The following MTUS1 variants were observed in gnomAD, a reference collection of about 807,000 sequenced individuals.
MTUS1 encodes microtubule-associated tumor suppressor 1.
In MTUS1, 109 loss-of-function variants were observed where a neutral mutation model predicts 120.8. That is an observed-to-expected ratio of 0.90 (90% CI 0.77 to 1.06). The LOEUF is 1.06. Ranked by LOEUF, MTUS1 falls within the 50% of genes least tolerant of loss-of-function variation. The pLI, the probability that MTUS1 is intolerant of heterozygous loss-of-function variation, is 0.00. For missense variants in MTUS1, 2,210 were observed against 1,486.3 expected (o/e 1.49, Z -8.01); for synonymous variants, 737 against 550.5 (o/e 1.34, Z -4.74).
At chr8:17,719,668 G>A (rs772404158) in intron 4 of MTUS1, among the ~76,000 whole-genome samples, 1 of 152,088 alleles carries the variant, frequency 6.6e-6, no homozygotes, top group Non-Finnish European at 1.5e-5. Flanking sequence ...TGAACCTGGA[G>A]GCACCCTGAG....
intron 1 of MTUS1, among the ~76,000 whole-genome samples, chr8:17,790,109 G>A (rs2051646375): frequency 1.3e-5 from 2 of 152,148 alleles, no homozygotes; most frequent in Non-Finnish European, 2.9e-5. Flanking sequence ...AGCACTTTGG[G>A]AGGTTGAGGC....
intron 6 of MTUS1, chr8:17,704,278 G>T (rs1423649770): frequency 6.6e-5 from 10 of 152,156 alleles, no homozygotes; most frequent in Non-Finnish European, 1.3e-4. Flanking sequence ...TTGCTCTGCA[G>T]ATTTTTAATC....
At chr8:17,741,546 C>T (rs896793880) in intron 3 of MTUS1, among the ~76,000 whole-genome samples, 1 of 152,152 alleles carries the variant, frequency 6.6e-6, no homozygotes, top group Non-Finnish European at 1.5e-5. Flanking sequence ...AAAAGCATGC[C>T]CTGTCTTTTC....
intron 8 of MTUS1, among the ~76,000 whole-genome samples, chr8:17,665,182 T>A (rs1193174279): frequency 6.6e-6 from 1 of 152,222 alleles, no homozygotes; most frequent in Non-Finnish European, 1.5e-5. Context: ...AGACAAGTGG[T>A]AGACCAGGTT....
chr8:17,684,678 G>A (rs1453407553), intron 6 of MTUS1, 136 bp from the exon 7 acceptor site: 5 of 692,574 alleles, frequency 7.2e-6, no homozygotes, highest in Non-Finnish European at 1.3e-5. Context: ...GCATATGGAT[G>A]AGAACTGGAA....
intron 6 of MTUS1, chr8:17,697,506 A>T: frequency 7.1e-7 from 1 of 1,412,168 alleles, no homozygotes; most frequent in Non-Finnish European, 9.3e-7. Context: ...TACACAGCAA[A>T]TGTCATTCCA....
At chr8:17,718,544 G>A (rs1157207256) in intron 4 of MTUS1, among the ~76,000 whole-genome samples, 1 of 152,050 alleles carries the variant, frequency 6.6e-6, no homozygotes, top group East Asian at 1.9e-4. Flanking sequence ...CACTGAGGCT[G>A]GATGCATCCT....
chr8:17,668,767 A>T (rs1483838878), intron 8 of MTUS1, among the ~76,000 whole-genome samples: 1 of 152,086 alleles, frequency 6.6e-6, no homozygotes, highest in Non-Finnish European at 1.5e-5. Flanking sequence ...AGAATATTTC[A>T]TCACCCCGGT....
At chr8:17,706,969 T>G (rs1276243160) in intron 6 of MTUS1, among the ~76,000 whole-genome samples, 2 of 152,214 alleles carry the variant, frequency 1.3e-5, no homozygotes, top group Non-Finnish European at 2.9e-5. Context: ...TAAAAGTGAT[T>G]ATTTTACTAG....
At chr8:17,653,773 G>C (rs1807580206) in intron 10 of MTUS1, 1 of 310,358 alleles carries the variant, frequency 3.2e-6, no homozygotes, top group African/African-American at 2.2e-5. Context: ...ACAACACTGA[G>C]TGCCATTTCA....
intron 3 of MTUS1, among the ~76,000 whole-genome samples, chr8:17,739,267 G>A (rs755560120): frequency 9.9e-5 from 15 of 152,174 alleles, no homozygotes; most frequent in Non-Finnish European, 1.9e-4. Context: ...GCCGAGGCGG[G>A]TGGATCACCT....
chr8:17,733,061 A>G (rs146247324), intron 3 of MTUS1, among the ~76,000 whole-genome samples: 1 of 152,230 alleles, frequency 6.6e-6, no homozygotes, highest in African/African-American at 2.4e-5. Context: ...AAGACTATAC[A>G]TGATCCACGC....
At position 17,723,852 on chromosome 8, in the gene MTUS1, C is replaced by T. The variant is rs778200268; in HGVS notation, c.2288-19G>A. The T allele has an allele frequency of 1.5e-5, 23 of 1,530,460 alleles. 1 individual carries two copies. In the Admixed American group the frequency reaches 2.8e-4, roughly 19 times the overall value. The allele number at this position is 1,530,460 out of a possible 1,614,324, so 94.8% of individuals were successfully genotyped here. A position where few individuals can be genotyped will look rare whatever the true frequency, so the allele number is the denominator to read the frequency against. ...GGCTTTCCTTGGGGTTTAAAAAAAA[C>T]AAAAAGTTTCCAGTGCTATTCATCC... On this transcript the variant is annotated intron_variant, in intron 3 of 14. Coordinates refer to ENST00000693296, the MANE Select transcript of MTUS1 (RefSeq NM_001363059.2).
intron 8 of MTUS1, chr8:17,674,742 T>C: frequency 2.0e-6 from 2 of 995,458 alleles, no homozygotes; most frequent in South Asian, 4.6e-5. Context: ...CCAAGTTGCC[T>C]TCATGGACAG....
At chr8:17,793,192 A>G (rs901674514) in intron 1 of MTUS1, among the ~76,000 whole-genome samples, 15 of 152,208 alleles carry the variant, frequency 9.9e-5, no homozygotes, top group African/African-American at 3.4e-4. Flanking sequence ...ACGTACATGT[A>G]TTTGCACATG....
chr8:17,670,188 C>G (rs1256920258), intron 8 of MTUS1, among the ~76,000 whole-genome samples: 1 of 152,174 alleles, frequency 6.6e-6, no homozygotes, highest in Non-Finnish European at 1.5e-5. Context: ...CGCTGCATGG[C>G]GCTCAGGAAG....
intron 1 of MTUS1, among the ~76,000 whole-genome samples, chr8:17,773,911 G>A (rs1311470320): frequency 6.6e-6 from 1 of 152,082 alleles, no homozygotes; most frequent in Non-Finnish European, 1.5e-5. Context: ...GTGGAAGCCA[G>A]GGCCCACAGC....
At position 17,708,400 on chromosome 8, in the gene MTUS1, T is replaced by A. The variant is rs568758013; in HGVS notation, c.2623+4814A>T. Among the ~76,000 whole-genome samples, 402 of 152,260 alleles carry A rather than the reference T, an allele frequency of 2.6e-3. 1 individual carries two copies. Among genetic ancestry groups the A allele is most frequent in the African/African-American group, 9.2e-3 (384 of 41,548 alleles). On this transcript the variant is annotated intron_variant, in intron 6 of 14. Transcript: ENST00000693296. ...TGCAAATTGAAACAACAATGAGGTA[T>A]CACTTCATACCCAGTAGGGATAGCT... is the stretch of plus-strand genomic sequence containing the variant.
chr8:17,783,905 G>A lies in MTUS1; in HGVS notation c.-155+17156C>T, dbSNP rs959305240. Among the ~76,000 whole-genome samples, 5 of 152,220 alleles carry A rather than the reference G, an allele frequency of 3.3e-5. No individual in the cohort carries two copies. In the East Asian group the frequency reaches 5.8e-4, roughly 18 times the overall value. On this transcript the variant is annotated intron_variant, in intron 1 of 14. Coordinates refer to ENST00000693296, the MANE Select transcript of MTUS1 (RefSeq NM_001363059.2). The stretch of plus-strand genomic sequence containing the variant: ...CAATTCCCAAAGACCTATGGGCCCC[G>A]ATGACATGAAGGTCACTCAGAGCTT...
Sources: gnomAD v4.1 joint callset for allele counts (sites outside exome capture counted in the v4.1 genomes callset) on GRCh38, gnomAD v4.1.1 for gene constraint, MANE v1.5 for transcripts, NCBI Gene and HGNC (gene_info 2026-07-23, HGNC 2026-07-21) for gene names.